Variants in TRPC4 observed in about 807,000 individuals in gnomAD.
TRPC4 encodes short transient receptor potential channel 4.
Under a neutral mutation model 99.4 loss-of-function variants are expected in TRPC4, and 49 were observed. The observed-to-expected ratio is 0.49, with a 90% CI of 0.39 to 0.63. The LOEUF (loss-of-function observed/expected upper bound fraction) is 0.63, where lower values mean the gene tolerates loss of function less well. Ranked by LOEUF, TRPC4 falls within the 20% of genes least tolerant of loss-of-function variation. The probability of loss-of-function intolerance (pLI) is 0.00; values close to 1 mark genes in which losing one functional copy is unlikely to be tolerated. For synonymous variants in TRPC4, 454 were observed against 425.9 expected, an observed-to-expected ratio of 1.07 and a Z score of -0.81; for missense variants, 898 against 1,152.9, an observed-to-expected ratio of 0.78 and a Z score of 3.20.
At chr13:37,830,735 G>A (rs1958397257) in intron 1 of TRPC4, among the ~76,000 whole-genome samples, 1 of 148,622 alleles carries the variant, frequency 6.7e-6, no homozygotes, top group African/African-American at 2.5e-5. Flanking sequence ...GTCTGCTTAA[G>A]CAAAAATAAT....
intron 2 of TRPC4, among the ~76,000 whole-genome samples, chr13:37,765,243 C>A (rs919250950): frequency 1.3e-5 from 2 of 151,110 alleles, no homozygotes; most frequent in East Asian, 3.9e-4. Context: ...CAGTGTAGAC[C>A]AGGTATTAAT....
intron 1 of TRPC4, among the ~76,000 whole-genome samples, chr13:37,794,246 GATAAAAA>G (rs1957195588): frequency 1.3e-5 from 2 of 151,972 alleles, no homozygotes; most frequent in East Asian, 3.9e-4. Context: ...AATATATCTT[GATAAAAA>G]ATAAACATTC....
intron 5 of TRPC4, among the ~76,000 whole-genome samples, chr13:37,673,470 AT>A (rs5802892): frequency 0.95 from 141,968 of 149,270 alleles, 67,777 homozygotes; most frequent in Non-Finnish European, 0.99. Flanking sequence ...GATATTCTTT[AT>A]TTTTTTTTTT....
In TRPC4 at chr13:37,720,533, A is replaced by G. The variant is rs146694733; in HGVS notation, c.897+25404T>C. 1.2e-3 allele frequency among the ~76,000 whole-genome samples: 185 copies of G among 152,134 alleles called. 1 individual carries two copies. In the East Asian group the frequency reaches 0.034, roughly 28 times the overall value. ...CTTTTCTGTGTTTCTGGTGTTCTGA[A>G]TTATCTAGTGAGGATGGATTTAAAT... On this transcript the variant is annotated intron_variant, in intron 3 of 10. Transcript: ENST00000379705.
intron 1 of TRPC4, among the ~76,000 whole-genome samples, chr13:37,804,288 T>C (rs372269729): frequency 1.3e-5 from 2 of 152,206 alleles, no homozygotes; most frequent in South Asian, 2.1e-4. Flanking sequence ...AACATTATTG[T>C]AAGTACTTTA....
chr13:37,783,031 T>TCC lies in TRPC4; in HGVS notation c.302_303insGG (p.His102AspfsTer16). On this transcript the variant is annotated frameshift_variant, in exon 2 of 11. Transcript: ENST00000379705. LOFTEE classifies it high-confidence loss of function. The stretch of plus-strand genomic sequence containing the variant: ...CGACGACTTCTTTTCTGATAGCATG[T>TCC]AATAGAGCATCTCCAACATAGACAT... 6.2e-7 allele frequency: 1 copy of TCC among 1,612,882 alleles called. No individual in the cohort carries two copies. The highest frequency in any genetic ancestry group is 8.5e-7 in the Non-Finnish European group (1 of 1,179,502).
intron 3 of TRPC4, among the ~76,000 whole-genome samples, chr13:37,713,565 TC>T (rs1291837311): frequency 6.6e-6 from 1 of 152,170 alleles, no homozygotes; most frequent in Non-Finnish European, 1.5e-5. Flanking sequence ...CTGTCTGTCT[TC>T]CATGTCTTAC....
chr13:37,867,617 A>T (rs1216415284), intron 1 of TRPC4, among the ~76,000 whole-genome samples: 1 of 152,058 alleles, frequency 6.6e-6, no homozygotes, highest in Non-Finnish European at 1.5e-5. Context: ...AAAAATAATG[A>T]TTGTCATTGT....
chr13:37,664,822 A>C (rs552644100), intron 5 of TRPC4, among the ~76,000 whole-genome samples: 1 of 152,176 alleles, frequency 6.6e-6, no homozygotes, highest in Non-Finnish European at 1.5e-5. Flanking sequence ...ACAAATGTGA[A>C]TCAATTAATT....
chr13:37,817,843 T>C (rs639544), intron 1 of TRPC4, among the ~76,000 whole-genome samples: 4,975 of 152,010 alleles, frequency 0.033, 259 homozygotes, highest in African/African-American at 0.11. Flanking sequence ...ATGCAGAAGA[T>C]TGACATTGGA....
intron 1 of TRPC4, among the ~76,000 whole-genome samples, chr13:37,862,166 G>A (rs1355511460): frequency 6.6e-6 from 1 of 151,334 alleles, no homozygotes; most frequent in Non-Finnish European, 1.5e-5. Context: ...TTAAGCCAAG[G>A]TCTCTACTGT....
At chr13:37,696,898 T>C (rs1953920022) in intron 3 of TRPC4, among the ~76,000 whole-genome samples, 1 of 151,572 alleles carries the variant, frequency 6.6e-6, no homozygotes, top group South Asian at 2.1e-4. Flanking sequence ...GAATTAACTT[T>C]TTCCATAGCT....
chr13:37,688,617 C>A (rs1386893157), intron 4 of TRPC4, among the ~76,000 whole-genome samples: 1 of 152,046 alleles, frequency 6.6e-6, no homozygotes, highest in Non-Finnish European at 1.5e-5. Flanking sequence ...ATAAAGTGAT[C>A]ATTTCTCATA....
At chr13:37,683,791 G>A (rs560981144) in intron 4 of TRPC4, among the ~76,000 whole-genome samples, 24 of 152,270 alleles carry the variant, frequency 1.6e-4, no homozygotes, top group African/African-American at 5.5e-4. Flanking sequence ...GGAGTTAAAG[G>A]ATGTGTAAGA....
chr13:37,816,289 A>G (rs1309453598), intron 1 of TRPC4, among the ~76,000 whole-genome samples: 1 of 151,866 alleles, frequency 6.6e-6, no homozygotes, highest in Non-Finnish European at 1.5e-5. Flanking sequence ...AGACCTTCAA[A>G]GAGACTTAGA....
At chr13:37,650,385 G>A (rs554398064) in intron 8 of TRPC4, among the ~76,000 whole-genome samples, 2 of 152,166 alleles carry the variant, frequency 1.3e-5, no homozygotes, top group Admixed American at 1.3e-4. Flanking sequence ...AGAACACAAA[G>A]TGAGGAAGGC....
intron 2 of TRPC4, among the ~76,000 whole-genome samples, chr13:37,771,447 G>A (rs1956547126): frequency 1.3e-5 from 2 of 151,696 alleles, no homozygotes; most frequent in South Asian, 4.1e-4. Context: ...CACTGTATGT[G>A]TGATTGTTCC....
chr13:37,804,831 G>A (rs1957489601), intron 1 of TRPC4, among the ~76,000 whole-genome samples: 1 of 151,956 alleles, frequency 6.6e-6, no homozygotes, highest in African/African-American at 2.4e-5. Context: ...AGATTGGGGA[G>A]TAATATGTCC....
intron 1 of TRPC4, among the ~76,000 whole-genome samples, chr13:37,819,140 C>A (rs1957944169): frequency 6.6e-6 from 1 of 151,936 alleles, no homozygotes; most frequent in South Asian, 2.1e-4. Flanking sequence ...TACCATCTTA[C>A]ACCATCAGAA....
Sources: gnomAD v4.1 joint callset for allele counts (sites outside exome capture counted in the v4.1 genomes callset) on GRCh38, gnomAD v4.1.1 for gene constraint, MANE v1.5 for transcripts, NCBI Gene and HGNC (gene_info 2026-07-23, HGNC 2026-07-21) for gene names.